NFATC1: variants seen among roughly 807,000 people sequenced by gnomAD.
NFATC1 encodes the protein nuclear factor of activated T cells 1.
A neutral mutation model predicts 76.0 loss-of-function variants in NFATC1; 22 were observed. The ratio of observed to expected loss-of-function variants is 0.29; its 90% CI spans 0.21 to 0.41. NFATC1 has a LOEUF of 0.41. Ranked by LOEUF, NFATC1 falls within the 10% of genes least tolerant of loss-of-function variation. NFATC1 has a pLI of 1.00. For missense variants in NFATC1, 1,357 were observed against 1,337.7 expected (o/e 1.01, Z -0.23); for synonymous variants, 704 against 613.1 (o/e 1.15, Z -2.19).
At chr18:79,431,608 C>A (rs2086591189) in intron 2 of NFATC1, among the ~76,000 whole-genome samples, 1 of 151,310 alleles carries the variant, frequency 6.6e-6, no homozygotes, top group Non-Finnish European at 1.5e-5. Context: ...CCAGGCTGGT[C>A]TCGAACTCCT....
At chr18:79,482,579 C>T (rs1461228586) in intron 8 of NFATC1, among the ~76,000 whole-genome samples, 3 of 145,502 alleles carry the variant, frequency 2.1e-5, no homozygotes, top group Admixed American at 6.8e-5. Flanking sequence ...TCCAGCGTGA[C>T]CTGGTCCTGG....
chr18:79,464,702 A>ATT (rs1555911977), intron 7 of NFATC1, among the ~76,000 whole-genome samples: 15 of 69,320 alleles, frequency 2.2e-4, no homozygotes, highest in African/African-American at 6.6e-4. Flanking sequence ...ATATTTATTT[A>ATT]TTTATTTATT....
chr18:79,466,261 G>C (rs1301913560), intron 7 of NFATC1, among the ~76,000 whole-genome samples: 1 of 152,206 alleles, frequency 6.6e-6, no homozygotes, highest in Non-Finnish European at 1.5e-5. Context: ...TAGGTGCTGA[G>C]CTATAATTAA....
chr18:79,481,929 G>A lies in NFATC1; in HGVS notation c.2093-4319G>A, dbSNP rs969257495. ...TCCTGGGGTGTCATTCCAGTGTGAC[G>A]TGGTCCTGGGGTGTCACTCCAGCAT... On this transcript the variant is annotated intron_variant, in intron 8 of 9. Coordinates refer to ENST00000427363, the MANE Select transcript of NFATC1 (RefSeq NM_001278669.2). 8.1e-4 allele frequency among the ~76,000 whole-genome samples: 91 copies of A among 112,326 alleles called. 2 individuals carry two copies. Among genetic ancestry groups the A allele is most frequent in the Middle Eastern group, 6.4e-3 (1 of 156 alleles). 73.7% of individuals were successfully genotyped at this position (112,326 alleles called of 152,430 possible). A position where few individuals can be genotyped will look rare whatever the true frequency, so the allele number is the denominator to read the frequency against.
intron 9 of NFATC1, among the ~76,000 whole-genome samples, chr18:79,492,861 G>A (rs1322212496): frequency 2.9e-5 from 4 of 140,188 alleles, no homozygotes; most frequent in African/African-American, 8.3e-5. Flanking sequence ...GTGACAAAGC[G>A]AGACTCCATC....
rs961451180 is a variant in NFATC1, at chr18:79,450,936, G to T, written c.1590-18G>T. 4 of 1,605,884 alleles carry T rather than the reference G, an allele frequency of 2.5e-6. No homozygotes were observed. The highest frequency in any genetic ancestry group is 8.5e-7 in the Non-Finnish European group (1 of 1,174,110). On this transcript the variant is annotated intron_variant, in intron 4 of 9. Transcript: ENST00000427363. ...GTCAGCCATTGAAAGAAAAGCTGTG[G>T]GCTTTTGTTTTGGGCAGCATTGACT... is the stretch of plus-strand genomic sequence containing the variant.
chr18:79,469,366 G>C, intron 8 of NFATC1: 1 of 985,452 alleles, frequency 1.0e-6, no homozygotes, highest in African/African-American at 1.7e-5. Context: ...ACTGACTTTA[G>C]CACAGATCAC....
At chr18:79,455,304 G>T (rs2087647013) in intron 6 of NFATC1, among the ~76,000 whole-genome samples, 1 of 152,236 alleles carries the variant, frequency 6.6e-6, no homozygotes, top group South Asian at 2.1e-4. Context: ...GGGCTCAGCG[G>T]GTGGGGCTGC....
intron 8 of NFATC1, among the ~76,000 whole-genome samples, chr18:79,478,188 G>A (rs1312247745): frequency 6.7e-6 from 1 of 149,284 alleles, no homozygotes; most frequent in African/African-American, 2.5e-5. Context: ...GAGCTGCCGG[G>A]CACCAACCAC....
Position 79,433,727 on chromosome 18 carries a change from C to A in NFATC1, c.1375C>A (p.Pro459Thr). The change falls in exon 3 of 10, where the codon CCC becomes ACC. Residue 459 changes from proline (P) to threonine (T), a missense_variant. Around this residue, in one of 3 missense-constraint regions of NFATC1, gnomAD observed 242 missense variants for 329.2 expected, o/e 0.74. Coordinates refer to ENST00000427363, the MANE Select transcript of NFATC1 (RefSeq NM_001278669.2). ...CGTGAAGGCGTCGGCCGGAGGACAC[C>A]CCATCGTGCAGGTAGGCACTGCGGC... ...GAVKASAGGH[P>T]IVQLHGYLEN... The A allele has an allele frequency of 6.2e-7, 1 of 1,612,536 alleles. No individual in the cohort carries two copies. The highest frequency in any genetic ancestry group is 8.5e-7 in the Non-Finnish European group (1 of 1,179,744).
At chr18:79,482,431 C>T (rs1238552060) in intron 8 of NFATC1, among the ~76,000 whole-genome samples, 1 of 144,620 alleles carries the variant, frequency 6.9e-6, no homozygotes, top group Non-Finnish European at 1.5e-5. Flanking sequence ...TCCAGCGTGA[C>T]CTGGTCCTGG....
intron 6 of NFATC1, 131 bp downstream of exon 6, chr18:79,451,947 G>A (rs1174105905): frequency 1.8e-6 from 2 of 1,139,640 alleles, no homozygotes; most frequent in Non-Finnish European, 1.2e-6. Context: ...GCACGGAGCA[G>A]AGGCTCTGCG....
chr18:79,472,744 C>A (rs759940046), intron 8 of NFATC1, among the ~76,000 whole-genome samples: 1 of 152,166 alleles, frequency 6.6e-6, no homozygotes, highest in African/African-American at 2.4e-5. Flanking sequence ...GCATGGCTCC[C>A]GCCTTCCCTC....
intron 8 of NFATC1, 174 bp downstream of exon 8, chr18:79,467,756 G>A: frequency 2.0e-6 from 2 of 1,006,998 alleles, no homozygotes; most frequent in Non-Finnish European, 2.4e-6. Flanking sequence ...GAAAAGGGAA[G>A]CTTCGGATGC....
intron 4 of NFATC1, 91 bp downstream of exon 4, chr18:79,449,075 G>A (rs376048531): frequency 3.8e-5 from 48 of 1,267,006 alleles, no homozygotes; most frequent in African/African-American, 3.2e-4. Flanking sequence ...CCAGCCCCCC[G>A]CACTTCCAGG....
intron 9 of NFATC1, among the ~76,000 whole-genome samples, chr18:79,500,284 AAAT>A (rs2089985872): frequency 6.6e-6 from 1 of 152,198 alleles, no homozygotes; most frequent in Non-Finnish European, 1.5e-5. Context: ...ACACATTTCT[AAAT>A]AATTAATGAG....
intron 1 of NFATC1, among the ~76,000 whole-genome samples, chr18:79,403,303 T>C (rs1195453016): frequency 2.6e-5 from 4 of 152,266 alleles, no homozygotes; most frequent in Non-Finnish European, 4.4e-5. Context: ...AAAGAATAGA[T>C]ATTCAGTAAC....
chr18:79,457,249 C>T (rs1436097170), intron 6 of NFATC1, among the ~76,000 whole-genome samples: 2 of 152,188 alleles, frequency 1.3e-5, no homozygotes, highest in Non-Finnish European at 2.9e-5. Flanking sequence ...GGGGAAGAGA[C>T]ACCTGCCCGT....
At chr18:79,490,093 C>T (rs1023370508) in intron 9 of NFATC1, among the ~76,000 whole-genome samples, 1 of 152,162 alleles carries the variant, frequency 6.6e-6, no homozygotes, top group Non-Finnish European at 1.5e-5. Flanking sequence ...TGATCTCCCC[C>T]CCGCCCCCGC....
Sources: gnomAD v4.1 joint callset for allele counts (sites outside exome capture counted in the v4.1 genomes callset) on GRCh38, gnomAD v4.1.1 for gene constraint, gnomAD v4.1.1 regional missense constraint, MANE v1.5 for transcripts, NCBI Gene and HGNC (gene_info 2026-07-23, HGNC 2026-07-21) for gene names.